Variants in CNTNAP2 observed in about 807,000 individuals in gnomAD.
The protein encoded by CNTNAP2 is contactin-associated protein-like 2.
In CNTNAP2, 98 loss-of-function variants were observed where a neutral mutation model predicts 155.2. The observed-to-expected ratio is 0.63, with a 90% CI of 0.54 to 0.75. CNTNAP2 has a LOEUF of 0.75. Ranked by LOEUF, CNTNAP2 falls within the 30% of genes least tolerant of loss-of-function variation. The probability of loss-of-function intolerance (pLI) is 0.00; values close to 1 mark genes in which losing one functional copy is unlikely to be tolerated. For synonymous variants in CNTNAP2, 651 were observed against 631.2 expected (o/e 1.03, Z -0.47); for missense variants, 1,727 against 1,688.1 (o/e 1.02, Z -0.40).
chr7:146,329,666 C>A (rs984827106), intron 1 of CNTNAP2, among the ~76,000 whole-genome samples: 4 of 152,130 alleles, frequency 2.6e-5, no homozygotes, highest in South Asian at 2.1e-4. Context: ...TTGTTATGTA[C>A]CAAATTCTAA....
rs1452879198 is a variant in CNTNAP2, at chr7:146,451,850, G to GTGTA, written c.98-322420_98-322419insGTAT. 3.0e-4 allele frequency among the ~76,000 whole-genome samples: 17 copies of GTGTA among 56,966 alleles called. 1 individual carries two copies. The African/African-American group carries it at 4.3e-3, about 14-fold the overall frequency. The allele number at this position is 56,966 out of a possible 152,430, so 37.4% of individuals were successfully genotyped here. A position where few individuals can be genotyped will look rare whatever the true frequency, so the allele number is the denominator to read the frequency against. ...TATATATATACATATATATATACAC[G>GTGTA]TATTCTATATATATATATACGTATA... On this transcript the variant is annotated intron_variant, in intron 1 of 23. Coordinates refer to ENST00000361727, the MANE Select transcript of CNTNAP2 (RefSeq NM_014141.6).
chr7:147,054,396 A>T (rs1370973567), intron 4 of CNTNAP2, among the ~76,000 whole-genome samples: 1 of 152,148 alleles, frequency 6.6e-6, no homozygotes, highest in Non-Finnish European at 1.5e-5. Context: ...AATATCAGTT[A>T]GTGTATTTTC....
chr7:147,405,718 A>T (rs543931277), intron 10 of CNTNAP2, among the ~76,000 whole-genome samples: 2 of 152,322 alleles, frequency 1.3e-5, no homozygotes, highest in Admixed American at 6.5e-5. Context: ...CTCAAAACAA[A>T]CACAAAACCA....
At chr7:147,253,449 C>G (rs1269940518) in intron 8 of CNTNAP2, among the ~76,000 whole-genome samples, 1 of 128,994 alleles carries the variant, frequency 7.8e-6, no homozygotes, top group African/African-American at 3.0e-5. Flanking sequence ...CTTATTGCTT[C>G]TTTTGTTTTA....
At chr7:148,075,677 A>G (rs915001248) in intron 15 of CNTNAP2, among the ~76,000 whole-genome samples, 11 of 152,228 alleles carry the variant, frequency 7.2e-5, no homozygotes, top group African/African-American at 2.7e-4. Flanking sequence ...TTGAAAAGGA[A>G]TCTGGATTTT....
At position 146,918,938 on chromosome 7, in the gene CNTNAP2, T is replaced by A. The variant is rs144462366; in HGVS notation, c.402+79034T>A. On this transcript the variant is annotated intron_variant, in intron 3 of 23. Coordinates refer to ENST00000361727, the MANE Select transcript of CNTNAP2 (RefSeq NM_014141.6). ...TAATTCAAAAGCCTTGTCTTTGACC[T>A]CTGAGGTTCTTTCTTCTACTTGTTT... Among the ~76,000 whole-genome samples, 428 of 152,338 alleles carry A rather than the reference T, an allele frequency of 2.8e-3. 1 individual carries two copies. Among genetic ancestry groups the A allele is most frequent in the African/African-American group, 8.8e-3 (366 of 41,588 alleles).
intron 1 of CNTNAP2, among the ~76,000 whole-genome samples, chr7:146,371,677 C>T (rs576133480): frequency 1.3e-5 from 2 of 151,626 alleles, no homozygotes; most frequent in East Asian, 2.0e-4. Context: ...GCCAGCTGGG[C>T]GTGGTGGCTC....
chr7:146,583,967 C>G (rs1053967768), intron 1 of CNTNAP2, among the ~76,000 whole-genome samples: 14 of 152,094 alleles, frequency 9.2e-5, no homozygotes, highest in African/African-American at 3.1e-4. Context: ...CTCTTGTAGG[C>G]AAGTGTATGG....
chr7:146,390,424 A>G (rs1371933978), intron 1 of CNTNAP2, among the ~76,000 whole-genome samples: 1 of 151,988 alleles, frequency 6.6e-6, no homozygotes, highest in Non-Finnish European at 1.5e-5. Context: ...AAGTGTCACA[A>G]CATAAACCGA....
At chr7:146,542,495 T>G (rs983778641) in intron 1 of CNTNAP2, among the ~76,000 whole-genome samples, 1 of 151,904 alleles carries the variant, frequency 6.6e-6, no homozygotes, top group Non-Finnish European at 1.5e-5. Flanking sequence ...GTAAATCCTC[T>G]TTATTTGAAA....
At chr7:148,035,283 G>A (rs2710151) in intron 15 of CNTNAP2, among the ~76,000 whole-genome samples, 2,248 of 152,254 alleles carry the variant, frequency 0.015, 47 homozygotes, top group African/African-American at 0.052. Flanking sequence ...TCAAGACAGT[G>A]GGAGAATTAC....
At chr7:147,899,067 TG>T (rs1799818552) in intron 13 of CNTNAP2, among the ~76,000 whole-genome samples, 1 of 146,932 alleles carries the variant, frequency 6.8e-6, no homozygotes, top group South Asian at 2.2e-4. Context: ...CAGCTGAATG[TG>T]GTCACTCAGG....
intron 21 of CNTNAP2, among the ~76,000 whole-genome samples, chr7:148,296,415 C>T (rs1339391763): frequency 6.6e-6 from 1 of 151,696 alleles, no homozygotes; most frequent in Non-Finnish European, 1.5e-5. Context: ...GGCATAGTGG[C>T]ATACGCCTGT....
At chr7:146,596,555 AC>A (rs535301043) in intron 1 of CNTNAP2, among the ~76,000 whole-genome samples, 1 of 148,650 alleles carries the variant, frequency 6.7e-6, no homozygotes, top group Non-Finnish European at 1.5e-5. Context: ...GGCCACATTC[AC>A]CCCCCCAGCC....
intron 1 of CNTNAP2, among the ~76,000 whole-genome samples, chr7:146,633,683 G>T (rs961669120): frequency 6.6e-6 from 1 of 151,788 alleles, no homozygotes; most frequent in African/African-American, 2.4e-5. Flanking sequence ...CAAAAAACTA[G>T]CCGGGCATGA....
At chr7:148,004,517 A>T (rs1431997765) in intron 15 of CNTNAP2, among the ~76,000 whole-genome samples, 3 of 152,204 alleles carry the variant, frequency 2.0e-5, no homozygotes, top group African/African-American at 7.2e-5. Context: ...TTTATGAAAT[A>T]TGAGAAGCTT....
chr7:147,184,503 T>C (rs955165846), intron 8 of CNTNAP2, among the ~76,000 whole-genome samples: 3 of 152,176 alleles, frequency 2.0e-5, no homozygotes, highest in African/African-American at 4.8e-5. Context: ...AAGGATTCTT[T>C]AAGACAGAGG....
chr7:147,398,429 CA>C (rs1307922153), intron 10 of CNTNAP2, among the ~76,000 whole-genome samples: 2 of 147,894 alleles, frequency 1.4e-5, no homozygotes. Flanking sequence ...TAAATGAGAA[CA>C]TAGGGTAAAA....
chr7:147,019,070 G>A (rs565215621), intron 3 of CNTNAP2, among the ~76,000 whole-genome samples: 5 of 152,104 alleles, frequency 3.3e-5, no homozygotes, highest in Admixed American at 1.3e-4. Flanking sequence ...AAAAAATATA[G>A]TTTATGGAAA....
Sources: gnomAD v4.1 joint callset for allele counts (sites outside exome capture counted in the v4.1 genomes callset) on GRCh38, gnomAD v4.1.1 for gene constraint, MANE v1.5 for transcripts, NCBI Gene and HGNC (gene_info 2026-07-23, HGNC 2026-07-21) for gene names.